The following LONP2 variants were observed in gnomAD, a reference collection of about 807,000 sequenced individuals.
LONP2 encodes lon protease homolog 2, peroxisomal.
A neutral mutation model predicts 85.6 loss-of-function variants in LONP2; 60 were observed. That is an observed-to-expected ratio of 0.70 (90% CI 0.57 to 0.87). The LOEUF (loss-of-function observed/expected upper bound fraction) is 0.87, where lower values mean the gene tolerates loss of function less well. Ranked by LOEUF, LONP2 falls within the 40% of genes least tolerant of loss-of-function variation. The pLI is 0.00. For missense variants in LONP2, 860 were observed against 1,063.5 expected (o/e 0.81, Z 2.66); for synonymous variants, 395 against 389.7 (o/e 1.01, Z -0.16).
intron 11 of LONP2, among the ~76,000 whole-genome samples, chr16:48,313,325 T>C (rs1380422547): frequency 6.6e-6 from 1 of 152,218 alleles, no homozygotes; most frequent in Admixed American, 6.5e-5. Flanking sequence ...AAGTTTTTTT[T>C]CTTCAGCTTT....
At chr16:48,272,733 T>G (rs1972130421) in intron 7 of LONP2, among the ~76,000 whole-genome samples, 3 of 152,232 alleles carry the variant, frequency 2.0e-5, no homozygotes, top group Non-Finnish European at 2.9e-5. Context: ...GCCATCAGTG[T>G]ACCAGATGTT....
intron 7 of LONP2, among the ~76,000 whole-genome samples, chr16:48,274,470 G>C (rs947768292): frequency 2.0e-5 from 3 of 151,924 alleles, no homozygotes; most frequent in African/African-American, 7.3e-5. Flanking sequence ...CTTTAGACGA[G>C]TACACCCATA....
At chr16:48,260,376 T>C (rs112098402) in intron 4 of LONP2, among the ~76,000 whole-genome samples, 1,864 of 152,266 alleles carry the variant, frequency 0.012, 40 homozygotes, top group African/African-American at 0.042. Flanking sequence ...GAAGGAGAAT[T>C]GCTTGAGGCC....
intron 6 of LONP2, among the ~76,000 whole-genome samples, chr16:48,264,143 G>A (rs1011059907): frequency 1.3e-5 from 2 of 152,194 alleles, no homozygotes; most frequent in Non-Finnish European, 2.9e-5. Context: ...GAAGTTTCGG[G>A]CACCATTGTC....
At chr16:48,307,303 T>C (rs1972931624) in intron 11 of LONP2, among the ~76,000 whole-genome samples, 1 of 152,232 alleles carries the variant, frequency 6.6e-6, no homozygotes, top group Non-Finnish European at 1.5e-5. Flanking sequence ...CCGTTTTCCT[T>C]TCTAGGGTAT....
intron 6 of LONP2, among the ~76,000 whole-genome samples, chr16:48,269,571 A>C (rs1972059252): frequency 6.6e-6 from 1 of 152,174 alleles, no homozygotes; most frequent in Non-Finnish European, 1.5e-5. Flanking sequence ...ACTGAAGTAA[A>C]GGTAGTGGTG....
At chr16:48,307,287 G>A (rs1434161510) in intron 11 of LONP2, among the ~76,000 whole-genome samples, 1 of 152,172 alleles carries the variant, frequency 6.6e-6, no homozygotes, top group Non-Finnish European at 1.5e-5. Context: ...AGTATTTTCT[G>A]AATTGCCGTT....
At chr16:48,270,343 C>T in intron 7 of LONP2, 69 bp downstream of exon 7, 1 of 1,526,792 alleles carries the variant, frequency 6.5e-7, no homozygotes, top group Non-Finnish European at 9.0e-7. Context: ...TCCCTAAAAG[C>T]TTAGGCATAG....
Position 48,262,852 on chromosome 16 carries a change from C to T in LONP2, c.962C>T (p.Pro321Leu). 1 of 1,609,634 alleles carries T rather than the reference C, an allele frequency of 6.2e-7. No individual in the cohort carries two copies. Among genetic ancestry groups the T allele is most frequent in the Non-Finnish European group, 8.5e-7 (1 of 1,177,488 alleles). ...RNYLELMVEL[P>L]WNKSTTDRLD... ...TATTTGGAACTTATGGTAGAACTTCCTTGGAACAAAAGTACAACTGGTAAG... is the reference window on the plus strand; with the variant it reads ...TATTTGGAACTTATGGTAGAACTTCTTTGGAACAAAAGTACAACTGGTAAG... The change falls in exon 6 of 15, where the codon CCT (proline) becomes CTT (leucine). Residue 321 changes from proline (P) to leucine (L), a missense_variant. Transcript: ENST00000285737.
At chr16:48,271,595 AT>A (rs1348112966) in intron 7 of LONP2, among the ~76,000 whole-genome samples, 1 of 152,276 alleles carries the variant, frequency 6.6e-6, no homozygotes, top group East Asian at 1.9e-4. Flanking sequence ...AAAAAGTATC[AT>A]TACTGGCCTT....
chr16:48,308,310 A>ACT (rs998200748), intron 11 of LONP2, among the ~76,000 whole-genome samples: 4 of 151,610 alleles, frequency 2.6e-5, no homozygotes, highest in African/African-American at 4.9e-5. Flanking sequence ...AAACTGAACC[A>ACT]CTCTCTCTCT....
At chr16:48,361,460 T>C, downstream of LONP2, 1 of 902,130 alleles carries the variant, frequency 1.1e-6, no homozygotes, top group Non-Finnish European at 1.7e-6. Flanking sequence ...TCTTTTTATT[T>C]ACCTTCATGT....
intron 8 of LONP2, among the ~76,000 whole-genome samples, chr16:48,278,827 T>C (rs1972267875): frequency 6.6e-6 from 1 of 152,208 alleles, no homozygotes; most frequent in Non-Finnish European, 1.5e-5. Context: ...TCTTAAATTC[T>C]TTTATTGATG....
Position 48,362,573 on chromosome 16 carries a change from A to T in LONP2, c.*710A>T, listed in dbSNP as rs982461032. On this transcript the variant is annotated 3_prime_UTR_variant, in exon 5 of 5. Transcript: ENST00000565867. The surrounding 1 kb of genome is among the most constrained non-coding windows in gnomAD (Gnocchi z 4.2). ...AGAGGAAGAAAAATAGGATTAAAAAAGATATTAAAAAAATAAAATTACACT... is the reference window on the plus strand; with the variant it reads ...AGAGGAAGAAAAATAGGATTAAAAATGATATTAAAAAAATAAAATTACACT... 1.3e-6 allele frequency: 1 copy of T among 791,366 alleles called. No homozygotes were observed. Among genetic ancestry groups the T allele is most frequent in the African/African-American group, 1.7e-5 (1 of 57,200 alleles). 49.0% of individuals were successfully genotyped at this position (791,366 alleles called of 1,614,324 possible). A position where few individuals can be genotyped will look rare whatever the true frequency, so the allele number is the denominator to read the frequency against.
intron 14 of LONP2, among the ~76,000 whole-genome samples, chr16:48,349,237 T>C (rs925179169): frequency 1.3e-5 from 2 of 151,498 alleles, no homozygotes; most frequent in African/African-American, 2.4e-5. Flanking sequence ...GGCAGGTTCA[T>C]AGCAAGATGA....
At chr16:48,313,074 G>A (rs1451305016) in intron 11 of LONP2, among the ~76,000 whole-genome samples, 12 of 152,302 alleles carry the variant, frequency 7.9e-5, no homozygotes, top group Admixed American at 1.3e-4. Flanking sequence ...ATCTGGTAGT[G>A]TAAGTCTTCC....
At chr16:48,303,420 C>T (rs909245952) in intron 11 of LONP2, 115 bp downstream of exon 11, 8 of 1,167,214 alleles carry the variant, frequency 6.9e-6, no homozygotes, top group East Asian at 2.4e-5. Context: ...GCACACATGA[C>T]TCCACTGTTA....
chr16:48,351,221 A>G (rs1446681359), intron 14 of LONP2, among the ~76,000 whole-genome samples: 3 of 152,232 alleles, frequency 2.0e-5, no homozygotes, highest in African/African-American at 7.2e-5. Flanking sequence ...GCTCATGGTC[A>G]GAATCACGTG....
intron 11 of LONP2, among the ~76,000 whole-genome samples, chr16:48,317,743 G>T (rs1324069623): frequency 6.6e-6 from 1 of 152,218 alleles, no homozygotes; most frequent in East Asian, 1.9e-4. Context: ...TAGTGGTTGG[G>T]TGGTGAGTCA....
Sources: gnomAD v4.1 joint callset for allele counts (sites outside exome capture counted in the v4.1 genomes callset) on GRCh38, gnomAD v4.1.1 for gene constraint, Gnocchi (gnomAD v3.1) non-coding constraint, MANE v1.5 for transcripts, NCBI Gene and HGNC (gene_info 2026-07-23, HGNC 2026-07-21) for gene names.